The following USP24 variants were observed in gnomAD, a reference collection of about 807,000 sequenced individuals.
The protein encoded by USP24 is ubiquitin specific peptidase 24.
A neutral mutation model predicts 361.6 loss-of-function variants in USP24; 97 were observed. That is an observed-to-expected ratio of 0.27 (90% CI 0.23 to 0.32). USP24 has a LOEUF of 0.32. USP24 is among the 10% of genes least tolerant of loss of function. The pLI, the probability that USP24 is intolerant of heterozygous loss-of-function variation, is 1.00. For synonymous variants in USP24, 1,098 were observed against 1,124.6 expected (o/e 0.98, Z 0.47); for missense variants, 2,353 against 3,165.6 (o/e 0.74, Z 6.16).
intron 36 of USP24, among the ~76,000 whole-genome samples, chr1:55,122,178 GA>G (rs1011409319): frequency 1.3e-5 from 2 of 152,070 alleles, no homozygotes; most frequent in African/African-American, 2.4e-5. Context: ...AATGTTACAG[GA>G]AAAAAATAAG....
intron 59 of USP24, 106 bp from the exon 60 acceptor site, chr1:55,079,765 T>A (rs1444801014): frequency 4.2e-6 from 6 of 1,413,504 alleles, no homozygotes; most frequent in South Asian, 1.6e-5. Flanking sequence ...GCACACACAC[T>A]GAGTACTCTC....
intron 16 of USP24, among the ~76,000 whole-genome samples, chr1:55,151,531 T>C (rs1030179652): frequency 6.6e-6 from 1 of 152,096 alleles, no homozygotes; most frequent in East Asian, 1.9e-4. Flanking sequence ...CTATGGTAGG[T>C]GGCCTGAAGA....
At chr1:55,168,879 G>T (rs1436282333) in intron 5 of USP24, among the ~76,000 whole-genome samples, 1 of 152,078 alleles carries the variant, frequency 6.6e-6, no homozygotes, top group Non-Finnish European at 1.5e-5. Flanking sequence ...TTGGAAGAAA[G>T]AACTTTCAAC....
chr1:55,157,386 T>C lies in USP24; in HGVS notation c.1228-16A>G. Reference sequence around the variant, plus strand: ...GTTTGGTTACCTAAAAAGATAAGATTATTGTGACTGAGTCTAATATACATT... The same window carrying C: ...GTTTGGTTACCTAAAAAGATAAGATCATTGTGACTGAGTCTAATATACATT... On this transcript the variant is annotated splice_polypyrimidine_tract_variant and intron_variant, in intron 10 of 67. Coordinates refer to ENST00000294383, the MANE Select transcript of USP24 (RefSeq NM_015306.3). The C allele has an allele frequency of 1.4e-6, 2 of 1,398,632 alleles. No individual in the cohort carries two copies. The highest frequency in any genetic ancestry group is 2.0e-6 in the Non-Finnish European group (2 of 1,011,138). 86.6% of individuals were successfully genotyped at this position (1,398,632 alleles called of 1,614,324 possible).
intron 7 of USP24, among the ~76,000 whole-genome samples, chr1:55,162,551 T>C (rs1570582475): frequency 6.6e-6 from 1 of 152,180 alleles, no homozygotes; most frequent in Admixed American, 6.5e-5. Flanking sequence ...TAGAATACTA[T>C]ACATTTTTTT....
At position 55,137,380 on chromosome 1, in the gene USP24, T is replaced by C. The variant is rs879798119; in HGVS notation, c.3201+135A>G. 3.5e-6 allele frequency: 4 copies of C among 1,157,810 alleles called. No homozygotes were observed. In the African/African-American group the frequency reaches 4.7e-5, roughly 14 times the overall value. 71.7% of individuals were successfully genotyped at this position (1,157,810 alleles called of 1,614,324 possible). On this transcript the variant is annotated intron_variant, in intron 28 of 67. Transcript: ENST00000294383. ...TGTAAGTGGGATGAAGAGATTTTTT[T>C]AAGATGGAAGAAATAACACAACAAG...
intron 1 of USP24, among the ~76,000 whole-genome samples, chr1:55,191,511 G>C (rs1022041182): frequency 3.1e-5 from 4 of 129,386 alleles, no homozygotes; most frequent in African/African-American, 1.1e-4. Context: ...TTTTTTTTGA[G>C]ATGGAGTCTC....
rs147153674 is a variant in USP24, at chr1:55,079,924, A to C, written c.7079-265T>G. 3.6e-3 allele frequency among the ~76,000 whole-genome samples: 545 copies of C among 152,180 alleles called. 2 individuals carry two copies. The highest frequency in any genetic ancestry group is 0.013 in the African/African-American group (522 of 41,514). ...GAACTCGCACACAGAGTACTCGCAC[A>C]CACACTGAGTACTCACAAACACACT... is the stretch of plus-strand genomic sequence containing the variant. On this transcript the variant is annotated intron_variant, in intron 59 of 67. Coordinates refer to ENST00000294383, the MANE Select transcript of USP24 (RefSeq NM_015306.3).
intron 1 of USP24, among the ~76,000 whole-genome samples, chr1:55,208,645 A>G (rs1446308650): frequency 6.6e-6 from 1 of 151,262 alleles, no homozygotes; most frequent in Non-Finnish European, 1.5e-5. Context: ...ATAAAACAAA[A>G]CAAAAAACAG....
Position 55,067,922 on chromosome 1 carries a change from A to G in USP24, c.*1123T>C, listed in dbSNP as rs1644850172. The G allele has an allele frequency of 6.6e-6, 1 of 152,240 alleles. No individual in the cohort carries two copies. The highest frequency in any genetic ancestry group is 6.5e-5 in the Admixed American group (1 of 15,286). The allele number at this position is 152,240 out of a possible 1,614,324, so 9.4% of individuals were successfully genotyped here. ...AAATGGATGGTTATTCAATTGCTTT[A>G]TATTTATTTCTGGGAAAATAAATCT... On this transcript the variant is annotated 3_prime_UTR_variant, in exon 68 of 68. Transcript: ENST00000294383.
At position 55,083,330 on chromosome 1, in the gene USP24, T is replaced by C; in HGVS notation, c.6917A>G (p.His2306Arg). The C allele has an allele frequency of 6.2e-7, 1 of 1,613,794 alleles. No homozygotes were observed. The highest frequency in any genetic ancestry group is 8.5e-7 in the Non-Finnish European group (1 of 1,179,746). ...GIRAGDLLLR[H>R]SALRHMISFL... ...GCTGATCATGTGCCGCAGAGCTGAA[T>C]GCCTCAGAAGAAGATCTCCAGCCCT... The change falls in exon 58 of 68, where the codon CAT (histidine) becomes CGT (arginine). Residue 2306 changes from histidine (H) to arginine (R), a missense_variant. By Grantham distance (29) the His-to-Arg change is conservative. Coordinates refer to ENST00000294383, the MANE Select transcript of USP24 (RefSeq NM_015306.3).
intron 12 of USP24, among the ~76,000 whole-genome samples, chr1:55,155,713 T>C (rs959630806): frequency 3.9e-5 from 6 of 152,132 alleles, no homozygotes; most frequent in Admixed American, 6.6e-5. Flanking sequence ...TCCTGTTACG[T>C]TCTGCCAATG....
intron 39 of USP24, among the ~76,000 whole-genome samples, chr1:55,109,136 G>A (rs375747914): frequency 2.0e-5 from 3 of 152,236 alleles, no homozygotes; most frequent in East Asian, 3.9e-4. Flanking sequence ...TTACAGGCAC[G>A]TGCCACCACG....
intron 12 of USP24, among the ~76,000 whole-genome samples, chr1:55,155,606 T>C (rs1364549069): frequency 6.6e-6 from 1 of 152,184 alleles, no homozygotes; most frequent in Non-Finnish European, 1.5e-5. Flanking sequence ...CGGGACTGTT[T>C]TCTTTTACTC....
chr1:55,137,087 A>G (rs1168518024), intron 28 of USP24, among the ~76,000 whole-genome samples: 1 of 152,170 alleles, frequency 6.6e-6, no homozygotes, highest in Non-Finnish European at 1.5e-5. Flanking sequence ...AAAACCAAAC[A>G]GGCGGAGAGA....
At chr1:55,124,362 AAGAGAAGAGG>A in intron 35 of USP24, 97 bp downstream of exon 35, 1 of 1,338,652 alleles carries the variant, frequency 7.5e-7, no homozygotes. Context: ...GCTCACAAGC[AAGAGAAGAGG>A]GTCTCCCATT....
intron 1 of USP24, among the ~76,000 whole-genome samples, chr1:55,210,492 G>C (rs1015566320): frequency 6.6e-6 from 1 of 151,896 alleles, no homozygotes; most frequent in East Asian, 1.9e-4. Context: ...CTCATACTAG[G>C]GTTGTTGTAT....
intron 59 of USP24, among the ~76,000 whole-genome samples, chr1:55,080,852 G>A (rs1169920473): frequency 6.6e-6 from 1 of 152,176 alleles, no homozygotes; most frequent in Admixed American, 6.5e-5. Flanking sequence ...TTTCAATGAT[G>A]TAATTTATAT....
intron 17 of USP24, among the ~76,000 whole-genome samples, chr1:55,148,232 T>A (rs1330195612): frequency 6.6e-6 from 1 of 150,668 alleles, no homozygotes; most frequent in Non-Finnish European, 1.5e-5. Context: ...GCTTAACTAT[T>A]TGAAAATTAA....
Sources: allele counts gnomAD v4.1 joint callset (sites outside exome capture counted in the v4.1 genomes callset), GRCh38; gene constraint gnomAD v4.1.1; transcripts MANE v1.5; gene names NCBI Gene and HGNC (gene_info 2026-07-23, HGNC 2026-07-21).